Variants in RYR3 observed in about 807,000 individuals in gnomAD.
RYR3 encodes ryanodine receptor 3.
In RYR3, 207 loss-of-function variants were observed where a neutral mutation model predicts 584.3. The observed-to-expected ratio is 0.35, with a 90% CI of 0.32 to 0.40. The LOEUF is 0.40. RYR3 is among the 10% of genes least tolerant of loss of function. RYR3 has a pLI of 1.00. For missense variants in RYR3, 5,616 were observed against 6,089.2 expected, an observed-to-expected ratio of 0.92 and a Z score of 2.59; for synonymous variants, 2,416 against 2,248.5, an observed-to-expected ratio of 1.07 and a Z score of -2.11.
At chr15:33,419,614 C>T (rs2044085594) in intron 1 of RYR3, among the ~76,000 whole-genome samples, 1 of 152,144 alleles carries the variant, frequency 6.6e-6, no homozygotes, top group African/African-American at 2.4e-5. Context: ...ACAAATAGTA[C>T]CTTTATTTGA....
intron 72 of RYR3, among the ~76,000 whole-genome samples, chr15:33,811,384 A>G (rs1410569672): frequency 6.6e-6 from 1 of 151,986 alleles, no homozygotes; most frequent in Non-Finnish European, 1.5e-5. Flanking sequence ...GGGCGCCTGT[A>G]GTCTCAGCTA....
Position 33,701,096 on chromosome 15 carries a change from G to C in RYR3, c.6483+16G>C, listed in dbSNP as rs762987219. ...CCTCGAGAAGGTAACCGGCCCTTGG[G>C]GTGGCAGTGTGGTGTTCTCTTCGGC... On this transcript the variant is annotated intron_variant, in intron 42 of 103. Transcript: ENST00000634891. 1.9e-6 allele frequency: 3 copies of C among 1,580,612 alleles called. No individual in the cohort carries two copies. Among genetic ancestry groups the C allele is most frequent in the South Asian group, 1.1e-5 (1 of 88,918 alleles).
rs761453884 is a variant in RYR3, at chr15:33,810,554, G to A, written c.10102G>A (p.Val3368Met). The change falls in exon 71 of 104, where the codon GTG becomes ATG. Residue 3368 changes from valine (V) to methionine (M), a missense_variant. Around this residue, in one of 9 missense-constraint regions of RYR3, gnomAD observed 954 missense variants for 1,132.2 expected, o/e 0.84. Transcript: ENST00000634891. ...GTATTCCATCCAGACCTCCCTCATCGTGGCTGCACTCAAGAAAATGCTGCC... is the reference window on the plus strand; with the variant it reads ...GTATTCCATCCAGACCTCCCTCATCATGGCTGCACTCAAGAAAATGCTGCC... The part of the protein sequence containing the change: ...DLYSIQTSLI[V>M]AALKKMLPIG... 7 of 1,613,902 alleles carry A rather than the reference G, an allele frequency of 4.3e-6. No individual in the cohort carries two copies. The highest frequency in any genetic ancestry group is 1.6e-4 in the Middle Eastern group (1 of 6,084).
chr15:33,601,296 C>A, intron 16 of RYR3, 123 bp from the exon 17 acceptor site: 2 of 923,020 alleles, frequency 2.2e-6, no homozygotes, highest in Non-Finnish European at 3.3e-6. Context: ...TGGCTCTGAG[C>A]TGGCTCTCTA....
At position 33,729,040 on chromosome 15, in the gene RYR3, A is replaced by G; in HGVS notation, c.7203+14A>G. ...TCTCTAGATACAGTAAGTTGCAAAA[A>G]TAACAAAAAATTATTGTTCCCATCA... On this transcript the variant is annotated intron_variant, in intron 47 of 103. Transcript: ENST00000634891. 3.1e-6 allele frequency: 5 copies of G among 1,606,706 alleles called. No homozygotes were observed. The South Asian group carries it at 5.6e-5, about 18-fold the overall frequency.
intron 103 of RYR3, 66 bp downstream of exon 103, chr15:33,864,255 G>T: frequency 1.6e-6 from 2 of 1,276,986 alleles, no homozygotes; most frequent in Non-Finnish European, 2.2e-6. Flanking sequence ...ACTTAGTAGG[G>T]CATAGGTTAT....
intron 1 of RYR3, among the ~76,000 whole-genome samples, chr15:33,335,429 C>A (rs1266672375): frequency 6.6e-6 from 1 of 152,036 alleles, no homozygotes; most frequent in Non-Finnish European, 1.5e-5. Context: ...AATACAGGAA[C>A]AGAAAATCAA....
intron 86 of RYR3, among the ~76,000 whole-genome samples, chr15:33,831,828 C>T (rs2077695622): frequency 6.6e-6 from 1 of 151,946 alleles, no homozygotes; most frequent in Non-Finnish European, 1.5e-5. Flanking sequence ...CTTCAGATTA[C>T]CATAATCAGG....
intron 38 of RYR3, among the ~76,000 whole-genome samples, chr15:33,681,507 G>A (rs780035258): frequency 4.6e-5 from 7 of 152,110 alleles, no homozygotes; most frequent in Admixed American, 1.3e-4. Context: ...GGACATGGAC[G>A]TTTGGGGGAG....
intron 76 of RYR3, among the ~76,000 whole-genome samples, chr15:33,819,279 C>T (rs2076982865): frequency 6.6e-6 from 1 of 152,216 alleles, no homozygotes; most frequent in Non-Finnish European, 1.5e-5. Flanking sequence ...AGAGTGGTTT[C>T]TAAGAATCAG....
At chr15:33,752,054 A>G (rs982006056) in intron 57 of RYR3, among the ~76,000 whole-genome samples, 12 of 152,028 alleles carry the variant, frequency 7.9e-5, no homozygotes, top group Non-Finnish European at 1.8e-4. Flanking sequence ...ATGCGGCGTT[A>G]TTTCTGAGGT....
At chr15:33,404,591 T>G (rs903413108) in intron 1 of RYR3, among the ~76,000 whole-genome samples, 10 of 133,350 alleles carry the variant, frequency 7.5e-5, no homozygotes, top group African/African-American at 2.1e-4. Flanking sequence ...TACTGTGTGT[T>G]TTTTTTTTTT....
chr15:33,444,215 A>G (rs1237765499), intron 1 of RYR3, among the ~76,000 whole-genome samples: 1 of 152,206 alleles, frequency 6.6e-6, no homozygotes, highest in Non-Finnish European at 1.5e-5. Context: ...TGTTGTAGAC[A>G]GGTGACACTA....
chr15:33,556,165 T>C (rs1297209999), intron 10 of RYR3, among the ~76,000 whole-genome samples: 1 of 152,180 alleles, frequency 6.6e-6, no homozygotes, highest in Admixed American at 6.5e-5. Flanking sequence ...TTGTAAAAGG[T>C]ACTTTCTTGT....
At chr15:33,480,554 G>A (rs1393651703) in intron 2 of RYR3, among the ~76,000 whole-genome samples, 1 of 152,228 alleles carries the variant, frequency 6.6e-6, no homozygotes, top group Non-Finnish European at 1.5e-5. Context: ...TAAGAATCAG[G>A]AGGATATTTG....
Position 33,346,749 on chromosome 15 carries a change from C to T in RYR3, c.51+35653C>T, listed in dbSNP as rs530760526. ...TAAGTACACCAGAAAAGGGGGCCTC[C>T]AGCATAATCGTGCTTGCTTTATTTG... On this transcript the variant is annotated intron_variant, in intron 1 of 103. Transcript: ENST00000634891. Among the ~76,000 whole-genome samples the T allele has an allele frequency of 3.3e-5, 5 of 152,260 alleles. No individual in the cohort carries two copies. In the South Asian group the frequency reaches 1.0e-3, roughly 32 times the overall value.
At chr15:33,695,683 C>G (rs1566968365) in intron 38 of RYR3, among the ~76,000 whole-genome samples, 1 of 152,046 alleles carries the variant, frequency 6.6e-6, no homozygotes, top group Non-Finnish European at 1.5e-5. Flanking sequence ...GCACCCTCAA[C>G]TCATAATTGG....
At chr15:33,554,730 G>T (rs2056953878) in intron 10 of RYR3, among the ~76,000 whole-genome samples, 1 of 152,152 alleles carries the variant, frequency 6.6e-6, no homozygotes, top group South Asian at 2.1e-4. Flanking sequence ...CTATGAACTT[G>T]ATTTCACATC....
chr15:33,812,838 C>T, intron 72 of RYR3, 25 bp from the exon 73 acceptor site: 1 of 1,611,806 alleles, frequency 6.2e-7, no homozygotes, highest in Non-Finnish European at 8.5e-7. Flanking sequence ...AATTCCTCAT[C>T]TTATGAGTAT....
Sources: allele counts gnomAD v4.1 joint callset (sites outside exome capture counted in the v4.1 genomes callset), GRCh38; gene constraint gnomAD v4.1.1; regional missense constraint gnomAD v4.1.1; transcripts MANE v1.5; gene names NCBI Gene and HGNC (gene_info 2026-07-23, HGNC 2026-07-21).